The following SLC25A13 variants were observed in gnomAD, a reference collection of about 807,000 sequenced individuals.
SLC25A13 encodes the protein solute carrier family 25 member 13, also known as electrogenic aspartate/glutamate antiporter SLC25A13, mitochondrial.
SLC25A13 carries 70 observed loss-of-function variants against 85.5 expected under a neutral mutation model. That is an observed-to-expected ratio of 0.82 (90% CI 0.68 to 1.00). The LOEUF (loss-of-function observed/expected upper bound fraction) is 1.00. SLC25A13 is among the 50% of genes least tolerant of loss of function. The pLI is 0.00. For synonymous variants in SLC25A13, 259 were observed against 288.7 expected (o/e 0.90, Z 1.04); for missense variants, 765 against 819.8 (o/e 0.93, Z 0.82).
chr7:96,157,420 G>A (rs1429847200), intron 13 of SLC25A13, among the ~76,000 whole-genome samples: 9 of 152,044 alleles, frequency 5.9e-5, no homozygotes, highest in South Asian at 4.1e-4. Context: ...TTTGCCACCC[G>A]AATCCCTCTT....
chr7:96,262,177 C>G (rs935726514), intron 3 of SLC25A13, among the ~76,000 whole-genome samples: 2 of 152,106 alleles, frequency 1.3e-5, no homozygotes, highest in Non-Finnish European at 2.9e-5. Flanking sequence ...GAAGCAGATT[C>G]TCAAGTAGCT....
intron 2 of SLC25A13, among the ~76,000 whole-genome samples, chr7:96,290,813 C>T (rs2116978939): frequency 6.6e-6 from 1 of 152,214 alleles, no homozygotes; most frequent in South Asian, 2.1e-4. Flanking sequence ...GACTTAGACT[C>T]CCACACAATA....
chr7:96,169,811 A>G (rs1793924602), intron 13 of SLC25A13: 1 of 559,400 alleles, frequency 1.8e-6, no homozygotes, highest in East Asian at 2.9e-5. Context: ...AACAAACCAT[A>G]AGCAATGACG....
intron 12 of SLC25A13, 52 bp downstream of exon 12, chr7:96,171,420 C>A: frequency 6.6e-7 from 1 of 1,505,776 alleles, no homozygotes; most frequent in East Asian, 2.3e-5. Flanking sequence ...CTGCTAGATT[C>A]TTGAGTATGT....
At chr7:96,221,324 T>G (rs1328855786) in intron 4 of SLC25A13, among the ~76,000 whole-genome samples, 1 of 152,202 alleles carries the variant, frequency 6.6e-6, no homozygotes, top group Non-Finnish European at 1.5e-5. Context: ...TACTCTCTAT[T>G]TGGGATGTAA....
chr7:96,316,453 C>T (rs923980797), intron 1 of SLC25A13, among the ~76,000 whole-genome samples: 4 of 152,126 alleles, frequency 2.6e-5, no homozygotes, highest in Admixed American at 6.6e-5. Flanking sequence ...TATACACATC[C>T]ATACCCGATG....
In SLC25A13 at chr7:96,184,370, T is replaced by C. The variant is rs576650917; in HGVS notation, c.1084A>G (p.Thr362Ala). Reference sequence around the variant, plus strand: ...ATGAGTTCTCCCACAAAAGAGCCAGTTGATCGTTGGTTCTGCATTCGAGTT... The same window carrying C: ...ATGAGTTCTCCCACAAAAGAGCCAGCTGATCGTTGGTTCTGCATTCGAGTT... ...VKTRMQNQRSTGSFVGELMYK... is the reference protein window; with the variant it reads ...VKTRMQNQRSAGSFVGELMYK... Residue 362 changes from threonine to alanine, a missense_variant, in exon 11 of 18, where the codon ACT becomes GCT. By Grantham distance (58) the Thr-to-Ala change is moderately conservative. Transcript: ENST00000265631. 48 of 1,614,194 alleles carry C rather than the reference T, an allele frequency of 3.0e-5. No individual in the cohort carries two copies. The South Asian group carries it at 4.0e-4, about 13-fold the overall frequency.
intron 4 of SLC25A13, among the ~76,000 whole-genome samples, chr7:96,233,193 A>G (rs918744578): frequency 9.2e-5 from 14 of 152,174 alleles, no homozygotes; most frequent in African/African-American, 3.4e-4. Flanking sequence ...GACAAGACAG[A>G]ACACACCTAT....
chr7:96,279,292 T>A (rs1204509596), intron 2 of SLC25A13, among the ~76,000 whole-genome samples: 1 of 152,238 alleles, frequency 6.6e-6, no homozygotes, highest in Non-Finnish European at 1.5e-5. Context: ...TTTTTTCTCC[T>A]TTGAAATTTC....
chr7:96,191,931 G>A (rs568577025), intron 6 of SLC25A13, among the ~76,000 whole-genome samples: 4 of 152,290 alleles, frequency 2.6e-5, no homozygotes, highest in Middle Eastern at 6.8e-3. Context: ...CATTATGAAT[G>A]AGACTTCAGT....
intron 3 of SLC25A13, among the ~76,000 whole-genome samples, chr7:96,259,524 T>G (rs1797765198): frequency 6.6e-6 from 1 of 152,090 alleles, no homozygotes; most frequent in Admixed American, 6.5e-5. Flanking sequence ...CTCACGCCAG[T>G]TAGAATGGAG....
At chr7:96,131,018 A>G (rs1340385462) in intron 15 of SLC25A13, among the ~76,000 whole-genome samples, 1 of 152,198 alleles carries the variant, frequency 6.6e-6, no homozygotes, top group Non-Finnish European at 1.5e-5. Context: ...TAGCACAGGT[A>G]TCAAAAATGT....
chr7:96,225,520 C>T lies in SLC25A13; in HGVS notation c.328+9282G>A, dbSNP rs575617316. Among the ~76,000 whole-genome samples the T allele has an allele frequency of 7.9e-4, 112 of 140,898 alleles. No homozygotes were observed. The South Asian group carries it at 0.025, about 31-fold the overall frequency. 92.4% of individuals were successfully genotyped at this position (140,898 alleles called of 152,430 possible). A position where few individuals can be genotyped will look rare whatever the true frequency, so the allele number is the denominator to read the frequency against. ...AGATCACTCCAGCCTGGGTGACAGACCTTGTTTCAAAAGAAAAAAAAAAAA... is the reference window on the plus strand; with the variant it reads ...AGATCACTCCAGCCTGGGTGACAGATCTTGTTTCAAAAGAAAAAAAAAAAA... On this transcript the variant is annotated intron_variant, in intron 4 of 17. Coordinates refer to ENST00000265631, the MANE Select transcript of SLC25A13 (RefSeq NM_014251.3).
In SLC25A13 at chr7:96,296,841, T is replaced by C. The variant is rs1299856473; in HGVS notation, c.69+57A>G. On this transcript the variant is annotated intron_variant, in intron 2 of 17. Transcript: ENST00000265631. Reference sequence around the variant, plus strand: ...ATAAAGAGCTGTTTGAAAATAATATTTAAAAGTTATAGAACACAAATCAAA... The same window carrying C: ...ATAAAGAGCTGTTTGAAAATAATATCTAAAAGTTATAGAACACAAATCAAA... 8 of 1,489,928 alleles carry C rather than the reference T, an allele frequency of 5.4e-6. No homozygotes were observed. In the African/African-American group the frequency reaches 9.7e-5, roughly 18 times the overall value. The allele number at this position is 1,489,928 out of a possible 1,614,324, so 92.3% of individuals were successfully genotyped here. A position where few individuals can be genotyped will look rare whatever the true frequency, so the allele number is the denominator to read the frequency against.
intron 4 of SLC25A13, among the ~76,000 whole-genome samples, chr7:96,210,584 A>C (rs78564037): frequency 0.012 from 1,877 of 152,290 alleles, 69 homozygotes; most frequent in East Asian, 0.12. Flanking sequence ...TAATATCTTA[A>C]AACATGACTT....
At chr7:96,206,800 C>T (rs1795479379) in intron 5 of SLC25A13, among the ~76,000 whole-genome samples, 1 of 152,202 alleles carries the variant, frequency 6.6e-6, no homozygotes, top group East Asian at 1.9e-4. Flanking sequence ...TGGACTCTGG[C>T]TTCCCCATAT....
At position 96,140,169 on chromosome 7, in the gene SLC25A13, G is replaced by A. The variant is rs1352602060; in HGVS notation, c.1452+6387C>T. Among the ~76,000 whole-genome samples the A allele has an allele frequency of 2.7e-5, 4 of 149,922 alleles. No individual in the cohort carries two copies. The South Asian group carries it at 6.4e-4, about 24-fold the overall frequency. On this transcript the variant is annotated intron_variant, in intron 14 of 17. Transcript: ENST00000265631. ...GAGACGGGGTTTCACCGTTTTAGCC[G>A]GGATGGTCTCGATCTCCTGACCTCG...
chr7:96,305,396 G>C (rs1179859119), intron 1 of SLC25A13, among the ~76,000 whole-genome samples: 1 of 152,238 alleles, frequency 6.6e-6, no homozygotes, highest in Non-Finnish European at 1.5e-5. Flanking sequence ...CCATGGCTCA[G>C]TAGAAGGCAG....
chr7:96,125,040 A>T (rs1259769237), intron 15 of SLC25A13, among the ~76,000 whole-genome samples: 1 of 152,130 alleles, frequency 6.6e-6, no homozygotes, highest in African/African-American at 2.4e-5. Context: ...GACCTACCAC[A>T]GGTTTAACTT....
Sources: gnomAD v4.1 joint callset for allele counts (sites outside exome capture counted in the v4.1 genomes callset) on GRCh38, gnomAD v4.1.1 for gene constraint, MANE v1.5 for transcripts, NCBI Gene and HGNC (gene_info 2026-07-23, HGNC 2026-07-21) for gene names.